Variants in CADPS observed in about 807,000 individuals in gnomAD.
CADPS encodes the protein calcium dependent secretion activator.
In CADPS, 57 loss-of-function variants were observed where a neutral mutation model predicts 167.3. The ratio of observed to expected loss-of-function variants is 0.34; its 90% CI spans 0.28 to 0.42. The LOEUF (loss-of-function observed/expected upper bound fraction) is 0.42. Ranked by LOEUF, CADPS falls within the 20% of genes least tolerant of loss-of-function variation. The probability of loss-of-function intolerance (pLI) is 1.00; values close to 1 mark genes in which losing one functional copy is unlikely to be tolerated. For synonymous variants in CADPS, 676 were observed against 635.3 expected (o/e 1.06, Z -0.96); for missense variants, 1,414 against 1,738.1 (o/e 0.81, Z 3.32).
At chr3:62,551,667 T>C (rs1249853065) in intron 10 of CADPS, among the ~76,000 whole-genome samples, 3 of 152,042 alleles carry the variant, frequency 2.0e-5, no homozygotes, top group Admixed American at 2.0e-4. Flanking sequence ...CCTCTCCTAA[T>C]ACTCTCTCTC....
intron 11 of CADPS, among the ~76,000 whole-genome samples, chr3:62,546,780 C>A (rs1014087126): frequency 1.3e-5 from 2 of 152,052 alleles, no homozygotes; most frequent in Non-Finnish European, 2.9e-5. Context: ...TTTCAAATTA[C>A]ATGGGAGGAT....
At chr3:62,798,224 G>C (rs978661473) in intron 1 of CADPS, among the ~76,000 whole-genome samples, 2 of 152,118 alleles carry the variant, frequency 1.3e-5, no homozygotes, top group East Asian at 1.9e-4. Flanking sequence ...GGAGTCAGTC[G>C]ACTGGGAGAG....
chr3:62,766,992 C>T (rs1480362247), intron 1 of CADPS, among the ~76,000 whole-genome samples: 1 of 152,138 alleles, frequency 6.6e-6, no homozygotes, highest in Non-Finnish European at 1.5e-5. Context: ...ACACTCAGGG[C>T]TGATTACATG....
At chr3:62,731,082 G>C (rs1299734813) in intron 3 of CADPS, among the ~76,000 whole-genome samples, 1 of 152,186 alleles carries the variant, frequency 6.6e-6, no homozygotes, top group Non-Finnish European at 1.5e-5. Context: ...AGAGGAGAGA[G>C]GTCTTGGTGA....
chr3:62,488,114 C>T (rs887753160), intron 21 of CADPS, among the ~76,000 whole-genome samples: 2 of 152,180 alleles, frequency 1.3e-5, no homozygotes, highest in African/African-American at 4.8e-5. Context: ...ATGGAAAAGA[C>T]TGAGCAAACT....
At chr3:62,815,915 G>T (rs1359851513) in intron 1 of CADPS, among the ~76,000 whole-genome samples, 1 of 152,098 alleles carries the variant, frequency 6.6e-6, no homozygotes, top group Non-Finnish European at 1.5e-5. Context: ...ACAGCTTGGG[G>T]ATATATCTGA....
intron 1 of CADPS, among the ~76,000 whole-genome samples, chr3:62,849,983 A>G (rs1252071608): frequency 2.2e-4 from 27 of 120,692 alleles, no homozygotes; most frequent in Non-Finnish European, 4.1e-4. Flanking sequence ...CAGAGATTCA[A>G]CTTCTTCCTG....
intron 1 of CADPS, among the ~76,000 whole-genome samples, chr3:62,793,690 T>C (rs1340796158): frequency 6.6e-6 from 1 of 152,224 alleles, no homozygotes; most frequent in Non-Finnish European, 1.5e-5. Context: ...GTTAGATTCA[T>C]GGACTTTCAC....
At chr3:62,639,088 T>C (rs367967609) in intron 6 of CADPS, among the ~76,000 whole-genome samples, 17 of 152,188 alleles carry the variant, frequency 1.1e-4, no homozygotes, top group Middle Eastern at 3.4e-3. Flanking sequence ...AAATAAACAT[T>C]GGGAATTCTG....
At chr3:62,556,082 A>AT (rs1048669591) in intron 10 of CADPS, among the ~76,000 whole-genome samples, 47 of 152,222 alleles carry the variant, frequency 3.1e-4, no homozygotes, top group Admixed American at 4.6e-4. Context: ...GACTGAATCT[A>AT]TTTTTTTGAA....
rs191811533 is a variant in CADPS at position 62,871,077 on chromosome 3, C to T, written c.441+3512G>A. On this transcript the variant is annotated intron_variant, in intron 1 of 29. Coordinates refer to ENST00000383710, the MANE Select transcript of CADPS (RefSeq NM_003716.4). ...TTCACAGTAATGTAACATAATATATCGGTAAATAATAAAATGTTTTTTCAG... is the reference window on the plus strand; with the variant it reads ...TTCACAGTAATGTAACATAATATATTGGTAAATAATAAAATGTTTTTTCAG... Among the ~76,000 whole-genome samples the T allele has an allele frequency of 2.2e-4, 33 of 152,114 alleles. 1 individual carries two copies. Among genetic ancestry groups the T allele is most frequent in the South Asian group, 8.3e-4 (4 of 4,826 alleles).
At chr3:62,583,108 C>T (rs1315345934) in intron 8 of CADPS, among the ~76,000 whole-genome samples, 1 of 151,724 alleles carries the variant, frequency 6.6e-6, no homozygotes, top group Admixed American at 6.6e-5. Context: ...TACATTCATT[C>T]ATATTCTGTT....
intron 1 of CADPS, among the ~76,000 whole-genome samples, chr3:62,797,409 G>A (rs1052994779): frequency 4.6e-5 from 7 of 151,930 alleles, no homozygotes; most frequent in South Asian, 4.1e-4. Flanking sequence ...AATAATGAAC[G>A]AATTATCCAA....
intron 3 of CADPS, among the ~76,000 whole-genome samples, chr3:62,750,746 G>A (rs1177034826): frequency 1.3e-5 from 2 of 152,120 alleles, no homozygotes; most frequent in African/African-American, 2.4e-5. Context: ...CCTGCATATT[G>A]TGCTTCATAG....
chr3:62,485,185 T>C (rs1016825063), intron 21 of CADPS, among the ~76,000 whole-genome samples: 7 of 151,992 alleles, frequency 4.6e-5, no homozygotes, highest in African/African-American at 1.7e-4. Flanking sequence ...GTCAATTTTC[T>C]CAACTTATGA....
chr3:62,626,675 G>T, intron 6 of CADPS: 1 of 657,456 alleles, frequency 1.5e-6, no homozygotes, highest in Admixed American at 2.3e-5. Context: ...AGTTCCTTCT[G>T]CAGGGAACAG....
At position 62,412,986 on chromosome 3, in the gene CADPS, G is replaced by A. The variant is rs187863197; in HGVS notation, c.3778-9801C>T. Among the ~76,000 whole-genome samples, 23 of 152,166 alleles carry A rather than the reference G, an allele frequency of 1.5e-4. No individual in the cohort carries two copies. Among genetic ancestry groups the A allele is most frequent in the Admixed American group, 2.6e-4 (4 of 15,282 alleles). ...ACCCAATCCCACTTTTCAATATGGCGGGTGGTCATCAGTGAGGAGGTGTGA... is the reference window on the plus strand; with the variant it reads ...ACCCAATCCCACTTTTCAATATGGCAGGTGGTCATCAGTGAGGAGGTGTGA... On this transcript the variant is annotated intron_variant, in intron 28 of 29. Transcript: ENST00000383710. The surrounding 1 kb of genome is among the most constrained non-coding windows in gnomAD (Gnocchi z 4.1).
Position 62,507,592 on chromosome 3 carries a change from C to T in CADPS, c.2599+5159G>A, listed in dbSNP as rs147039809. On this transcript the variant is annotated intron_variant, in intron 17 of 29. Coordinates refer to ENST00000383710, the MANE Select transcript of CADPS (RefSeq NM_003716.4). Reference sequence around the variant, plus strand: ...GACAATTTGAATACCTCTTATATTCCCTTGGCTCTCAAAGTACCATCCCTG... The same window carrying T: ...GACAATTTGAATACCTCTTATATTCTCTTGGCTCTCAAAGTACCATCCCTG... Among the ~76,000 whole-genome samples the T allele has an allele frequency of 1.9e-3, 291 of 151,978 alleles. 2 individuals carry two copies. The highest frequency in any genetic ancestry group is 6.6e-3 in the African/African-American group (273 of 41,432).
intron 1 of CADPS, among the ~76,000 whole-genome samples, chr3:62,839,330 A>G (rs1458539998): frequency 6.6e-6 from 1 of 152,130 alleles, no homozygotes; most frequent in East Asian, 1.9e-4. Context: ...AGCTGGGACT[A>G]CAGATGCAAG....
Sources: allele counts gnomAD v4.1 joint callset (sites outside exome capture counted in the v4.1 genomes callset), GRCh38; gene constraint gnomAD v4.1.1; non-coding constraint Gnocchi (gnomAD v3.1); transcripts MANE v1.5; gene names NCBI Gene and HGNC (gene_info 2026-07-23, HGNC 2026-07-21).